The following CLSTN2 variants were observed in gnomAD, a reference collection of about 807,000 sequenced individuals.
CLSTN2 encodes the protein calsyntenin-2.
A neutral mutation model predicts 101.2 loss-of-function variants in CLSTN2; 48 were observed. The ratio of observed to expected loss-of-function variants is 0.47; its 90% confidence interval spans 0.38 to 0.60. The LOEUF (loss-of-function observed/expected upper bound fraction) is 0.60. Among genes scored for constraint, CLSTN2 ranks in the 20% least tolerant of loss-of-function variants. The pLI is 0.00. For synonymous variants in CLSTN2, 481 were observed against 463.6 expected, an observed-to-expected ratio of 1.04 and a Z score of -0.48; for missense variants, 1,160 against 1,238.2, an observed-to-expected ratio of 0.94 and a Z score of 0.95.
intron 2 of CLSTN2, among the ~76,000 whole-genome samples, chr3:140,327,927 G>T (rs1256247974): frequency 6.6e-6 from 1 of 152,196 alleles, no homozygotes; most frequent in Non-Finnish European, 1.5e-5. Flanking sequence ...TTAGCCAAAA[G>T]CTGAGCTGTG....
chr3:140,167,927 T>C (rs2010158989), intron 1 of CLSTN2, among the ~76,000 whole-genome samples: 1 of 152,210 alleles, frequency 6.6e-6, no homozygotes, highest in South Asian at 2.1e-4. Context: ...ATTATCTGGA[T>C]ATTCTGCAAT....
Position 140,535,025 on chromosome 3 carries a change from A to G in CLSTN2, c.1507+2539A>G, listed in dbSNP as rs1935332061. On this transcript the variant is annotated intron_variant, in intron 9 of 16. Transcript: ENST00000458420. ...GATGCACAGAGGCCTACAGCAGGCC[A>G]CATAGTAGCTGCACTTGATGTGGAG... is the stretch of plus-strand genomic sequence containing the variant. Among the ~76,000 whole-genome samples the G allele has an allele frequency of 2.0e-5, 3 of 152,226 alleles. No homozygotes were observed. In the South Asian group the frequency reaches 6.2e-4, roughly 31 times the overall value.
intron 2 of CLSTN2, among the ~76,000 whole-genome samples, chr3:140,204,297 T>A (rs1369119556): frequency 6.6e-6 from 1 of 152,210 alleles, no homozygotes; most frequent in African/African-American, 2.4e-5. Flanking sequence ...ACCCAGAAGC[T>A]AAGACTGATG....
chr3:140,475,332 T>G (rs1933958420), intron 8 of CLSTN2, among the ~76,000 whole-genome samples: 1 of 152,230 alleles, frequency 6.6e-6, no homozygotes, highest in Non-Finnish European at 1.5e-5. Context: ...AAAAATCTGA[T>G]AAGCAGATAA....
intron 5 of CLSTN2, among the ~76,000 whole-genome samples, chr3:140,424,984 T>TA (rs1213049527): frequency 6.6e-6 from 1 of 152,162 alleles, no homozygotes; most frequent in Admixed American, 6.5e-5. Flanking sequence ...TTGCCAGACG[T>TA]AATTCCACTT....
intron 5 of CLSTN2, among the ~76,000 whole-genome samples, chr3:140,432,424 A>G (rs114901384): frequency 0.011 from 1,725 of 152,280 alleles, 15 homozygotes; most frequent in Non-Finnish European, 0.016. Flanking sequence ...TGGAAAAATC[A>G]TTATTGAGGC....
At chr3:140,020,372 G>A (rs1220140747) in intron 1 of CLSTN2, among the ~76,000 whole-genome samples, 3 of 152,180 alleles carry the variant, frequency 2.0e-5, no homozygotes, top group African/African-American at 7.2e-5. Context: ...GTGCATGTGT[G>A]TGTACCCAGG....
rs984406204 is a variant in CLSTN2 at position 140,569,754 on chromosome 3, C to G, written c.*3501C>G. On this transcript the variant is annotated 3_prime_UTR_variant, in exon 17 of 17. Transcript: ENST00000458420. ...AGTGCAGTGGCACAATCTCAGCTCA[C>G]TGCAACCTCCACCTCCCGGGTTCAA... 1 of 152,208 alleles carries G rather than the reference C, an allele frequency of 6.6e-6. No individual in the cohort carries two copies. Among genetic ancestry groups the G allele is most frequent in the East Asian group, 1.9e-4 (1 of 5,184 alleles). 9.4% of individuals were successfully genotyped at this position (152,208 alleles called of 1,614,324 possible).
chr3:140,560,593 G>A (rs1035088947), intron 12 of CLSTN2, among the ~76,000 whole-genome samples: 14 of 151,930 alleles, frequency 9.2e-5, no homozygotes, highest in African/African-American at 2.9e-4. Context: ...GGAGGACCCC[G>A]AGGGCTCATC....
At chr3:140,076,795 A>G (rs1009753273) in intron 1 of CLSTN2, among the ~76,000 whole-genome samples, 1 of 151,840 alleles carries the variant, frequency 6.6e-6, no homozygotes, top group African/African-American at 2.4e-5. Context: ...TATTCTGTAT[A>G]TCTTTATAGC....
Position 140,466,621 on chromosome 3 carries a change from C to T in CLSTN2, c.1234C>T (p.His412Tyr), listed in dbSNP as rs771981536. ...TTTCTGCTTTTCAGAAATGAACCGG[C>T]ATCACTATGCCCTGTATGTGCACAA... ...CNSDKTEMNRHHYALYVHNCR... is the reference protein window; with the variant it reads ...CNSDKTEMNRYHYALYVHNCR... The change falls in exon 8 of 17, where the codon CAT becomes TAT. Residue 412 changes from histidine (H) to tyrosine (Y), a missense_variant. His to Tyr is a moderately conservative substitution (Grantham distance 83). Coordinates refer to ENST00000458420, the MANE Select transcript of CLSTN2 (RefSeq NM_022131.3). 6.2e-7 allele frequency: 1 copy of T among 1,614,148 alleles called. No individual in the cohort carries two copies. Among genetic ancestry groups the T allele is most frequent in the Non-Finnish European group, 8.5e-7 (1 of 1,180,008 alleles).
chr3:140,218,213 G>A (rs906444551), intron 2 of CLSTN2, among the ~76,000 whole-genome samples: 3 of 152,078 alleles, frequency 2.0e-5, no homozygotes, highest in African/African-American at 2.4e-5. Flanking sequence ...AGCTTGATTC[G>A]CTGAGAGATT....
chr3:140,409,769 A>T (rs1443573131), intron 4 of CLSTN2, among the ~76,000 whole-genome samples: 3 of 152,188 alleles, frequency 2.0e-5, no homozygotes, highest in African/African-American at 7.2e-5. Flanking sequence ...AAACTCAGTG[A>T]TCTACAAGAG....
chr3:140,386,011 A>G (rs2088047914), intron 2 of CLSTN2, among the ~76,000 whole-genome samples: 1 of 152,114 alleles, frequency 6.6e-6, no homozygotes, highest in Non-Finnish European at 1.5e-5. Context: ...TGAAGTCAAA[A>G]CCATAAGAAC....
intron 1 of CLSTN2, among the ~76,000 whole-genome samples, chr3:139,949,699 C>T (rs1935262752): frequency 6.6e-6 from 1 of 152,182 alleles, no homozygotes; most frequent in Non-Finnish European, 1.5e-5. Context: ...CCACTTTGCT[C>T]CATAGCATTG....
intron 2 of CLSTN2, among the ~76,000 whole-genome samples, chr3:140,323,367 AGG>A (rs2087302816): frequency 6.6e-6 from 1 of 152,244 alleles, no homozygotes; most frequent in South Asian, 2.1e-4. Context: ...AGGTTATACA[AGG>A]GAAGATAAAA....
At chr3:140,335,290 A>G (rs1410384931) in intron 2 of CLSTN2, among the ~76,000 whole-genome samples, 2 of 152,212 alleles carry the variant, frequency 1.3e-5, no homozygotes, top group East Asian at 1.9e-4. Flanking sequence ...AAGGCACAAA[A>G]TTACCCATTT....
rs372172717 is a variant in CLSTN2 at position 140,117,026 on chromosome 3, G to C, written c.110-58925G>C. Among the ~76,000 whole-genome samples, 5 of 152,142 alleles carry C rather than the reference G, an allele frequency of 3.3e-5. No individual in the cohort carries two copies. In the East Asian group the frequency reaches 9.6e-4, roughly 29 times the overall value. On this transcript the variant is annotated intron_variant, in intron 1 of 16. Coordinates refer to ENST00000458420, the MANE Select transcript of CLSTN2 (RefSeq NM_022131.3). ...GAGCCCCCCTTTCCCCTGCTCTGCT[G>C]TTCCGGGCTGGGAGGGGGACAGTTT... is the stretch of plus-strand genomic sequence containing the variant.
intron 1 of CLSTN2, among the ~76,000 whole-genome samples, chr3:140,089,267 C>A (rs2008730108): frequency 6.6e-6 from 1 of 152,122 alleles, no homozygotes; most frequent in Admixed American, 6.5e-5. Flanking sequence ...CCTTTGAAAT[C>A]AAGCTTAATT....
Sources: gnomAD v4.1 joint callset for allele counts (sites outside exome capture counted in the v4.1 genomes callset) on GRCh38, gnomAD v4.1.1 for gene constraint, MANE v1.5 for transcripts, NCBI Gene and HGNC (gene_info 2026-07-23, HGNC 2026-07-21) for gene names.